The following PID1 variants were observed in gnomAD, a reference collection of about 807,000 sequenced individuals.
PID1 encodes the protein PTB-containing, cubilin and LRP1-interacting protein.
PID1 carries 10 observed loss-of-function variants against 19.1 expected under a neutral mutation model. The observed-to-expected ratio is 0.52, with a 90% CI of 0.32 to 0.89. The LOEUF is 0.89. PID1 is among the 40% of genes least tolerant of loss of function. The pLI is 0.03. For synonymous variants in PID1, 130 were observed against 116.0 expected (o/e 1.12, Z -0.78); for missense variants, 248 against 285.3 (o/e 0.87, Z 0.94).
chr2:229,027,504 G>A (rs895608051), intron 2 of PID1, among the ~76,000 whole-genome samples: 1 of 152,140 alleles, frequency 6.6e-6, no homozygotes, highest in Admixed American at 6.5e-5. Flanking sequence ...CTTGGCACCT[G>A]CACAGCTATG....
At chr2:229,216,548 G>A (rs1167539071) in intron 1 of PID1, among the ~76,000 whole-genome samples, 4 of 152,158 alleles carry the variant, frequency 2.6e-5, no homozygotes, top group African/African-American at 7.2e-5. Context: ...ACAAATTAGA[G>A]TTGGTAGATT....
At chr2:229,037,203 G>A (rs983246968) in intron 2 of PID1, among the ~76,000 whole-genome samples, 5 of 151,876 alleles carry the variant, frequency 3.3e-5, no homozygotes, top group Non-Finnish European at 2.9e-5. Flanking sequence ...AGATTATGTC[G>A]ATATAATCTA....
At chr2:229,169,505 C>A (rs1690667078) in intron 1 of PID1, among the ~76,000 whole-genome samples, 1 of 152,142 alleles carries the variant, frequency 6.6e-6, no homozygotes, top group African/African-American at 2.4e-5. Flanking sequence ...TAGTAAAATT[C>A]ATATTTTTAA....
intron 2 of PID1, among the ~76,000 whole-genome samples, chr2:229,102,690 C>A (rs184252800): frequency 1.3e-5 from 2 of 152,272 alleles, no homozygotes; most frequent in East Asian, 3.9e-4. Flanking sequence ...CTTAATAGAA[C>A]CCTCTAGGTC....
chr2:229,115,285 T>C (rs768025396), intron 2 of PID1, among the ~76,000 whole-genome samples: 2 of 151,620 alleles, frequency 1.3e-5, no homozygotes, highest in African/African-American at 2.4e-5. Context: ...GGCAGGAGGA[T>C]TGCTTGAGCC....
Position 229,271,217 on chromosome 2 carries a change from G to A in PID1, c.-174C>T. 1.7e-6 allele frequency: 1 copy of A among 579,716 alleles called. No individual in the cohort carries two copies. The highest frequency in any genetic ancestry group is 2.8e-6 in the Non-Finnish European group (1 of 350,968). The allele number at this position is 579,716 out of a possible 1,614,324, so 35.9% of individuals were successfully genotyped here. On this transcript the variant is annotated 5_prime_UTR_variant, in exon 1 of 3. Transcript: ENST00000392055. ...GGGGCTGCGAGCAGGAGGAGGCGCG[G>A]CGCTCAGCTGCCGGCAACTTGTGGG...
chr2:229,163,018 GAT>G (rs1690520747), intron 1 of PID1, among the ~76,000 whole-genome samples: 1 of 152,074 alleles, frequency 6.6e-6, no homozygotes, highest in African/African-American at 2.4e-5. Context: ...TAAAAGTAAT[GAT>G]ATGAAAGAAG....
intron 2 of PID1, among the ~76,000 whole-genome samples, chr2:229,145,188 T>A (rs36005719): frequency 2.2e-4 from 30 of 135,620 alleles, no homozygotes; most frequent in Non-Finnish European, 3.2e-4. Context: ...TATATATATA[T>A]AAACTCGAGA....
intron 2 of PID1, among the ~76,000 whole-genome samples, chr2:229,109,627 C>A (rs1695253676): frequency 6.6e-6 from 1 of 152,182 alleles, no homozygotes; most frequent in Non-Finnish European, 1.5e-5. Context: ...GCCAGTAGAG[C>A]AATGCTCATA....
intron 2 of PID1, among the ~76,000 whole-genome samples, chr2:229,149,182 C>A (rs1052259095): frequency 1.3e-5 from 2 of 151,976 alleles, no homozygotes; most frequent in African/African-American, 4.8e-5. Context: ...AAATGGCCAA[C>A]ACCAAGAAAG....
chr2:229,025,992 C>T lies in PID1; in HGVS notation c.294G>A (p.Pro98=), dbSNP rs773081232. ...GCCGGATTTCCAGGAGGGCATTGGC[C>T]GGAAAGACATCCTCTCGGGCTAGCG... The part of the protein sequence containing the change: ...KHTLAREDVF[P]ANALLEIRPF... Residue 98 remains proline, a synonymous_variant, in exon 3 of 3, where the codon CCG becomes CCA. Transcript: ENST00000392055. 1.2e-4 allele frequency: 199 copies of T among 1,614,062 alleles called. No homozygotes were observed. Among genetic ancestry groups the T allele is most frequent in the Middle Eastern group, 1.6e-4 (1 of 6,084 alleles).
intron 1 of PID1, among the ~76,000 whole-genome samples, chr2:229,179,391 T>C (rs1463114251): frequency 2.6e-5 from 4 of 152,056 alleles, no homozygotes; most frequent in Non-Finnish European, 4.4e-5. Flanking sequence ...CTCCTAATCT[T>C]ATACCACATT....
intron 1 of PID1, among the ~76,000 whole-genome samples, chr2:229,232,519 C>T (rs952423269): frequency 1.4e-5 from 2 of 147,958 alleles, no homozygotes; most frequent in Non-Finnish European, 3.0e-5. Flanking sequence ...GGAGGGGACA[C>T]ATTTAAACTA....
At chr2:229,130,338 G>A (rs535012197) in intron 2 of PID1, among the ~76,000 whole-genome samples, 1 of 152,350 alleles carries the variant, frequency 6.6e-6, no homozygotes, top group South Asian at 2.1e-4. Context: ...TCAGAGACCA[G>A]AAGCTTGGCG....
At chr2:229,083,964 A>G (rs1694715889) in intron 2 of PID1, among the ~76,000 whole-genome samples, 1 of 152,172 alleles carries the variant, frequency 6.6e-6, no homozygotes, top group Admixed American at 6.5e-5. Flanking sequence ...CGTTACTTTA[A>G]CCAGGCAGTG....
At chr2:229,105,032 G>A (rs975948311) in intron 2 of PID1, among the ~76,000 whole-genome samples, 10 of 152,186 alleles carry the variant, frequency 6.6e-5, no homozygotes, top group Admixed American at 3.3e-4. Context: ...TTTGTGGTGC[G>A]TCAGTTAACC....
intron 1 of PID1, among the ~76,000 whole-genome samples, chr2:229,194,216 G>T (rs1426593152): frequency 2.6e-5 from 4 of 151,988 alleles, no homozygotes; most frequent in Non-Finnish European, 5.9e-5. Flanking sequence ...AGAAAAAAAT[G>T]CACAGTTAAA....
At chr2:229,044,574 T>G (rs377589431) in intron 2 of PID1, among the ~76,000 whole-genome samples, 1 of 152,218 alleles carries the variant, frequency 6.6e-6, no homozygotes, top group Non-Finnish European at 1.5e-5. Flanking sequence ...TGAATCTAAG[T>G]TGGAAAGTCA....
At chr2:229,138,245 C>T (rs1689896301) in intron 2 of PID1, among the ~76,000 whole-genome samples, 1 of 152,104 alleles carries the variant, frequency 6.6e-6, no homozygotes, top group Admixed American at 6.5e-5. Flanking sequence ...CTCACATCAC[C>T]AGGTGTAAAA....
Sources: gnomAD v4.1 joint callset for allele counts (sites outside exome capture counted in the v4.1 genomes callset) on GRCh38, gnomAD v4.1.1 for gene constraint, MANE v1.5 for transcripts, NCBI Gene and HGNC (gene_info 2026-07-23, HGNC 2026-07-21) for gene names.